Variants in TRPC5 observed in about 807,000 individuals in gnomAD.
TRPC5 encodes the protein short transient receptor potential channel 5.
A neutral mutation model predicts 56.5 loss-of-function variants in TRPC5; 9 were observed. The ratio of observed to expected loss-of-function variants is 0.16; its 90% confidence interval spans 0.10 to 0.28. The LOEUF is 0.28. Ranked by LOEUF, TRPC5 falls within the 10% of genes least tolerant of loss-of-function variation. The pLI, the probability that TRPC5 is intolerant of heterozygous loss-of-function variation, is 1.00. For synonymous variants in TRPC5, 282 were observed against 278.5 expected (o/e 1.01, Z -0.13); for missense variants, 469 against 748.9 (o/e 0.63, Z 4.36).
At chrX:111,856,645 G>A (rs1020149494) in intron 3 of TRPC5, among the ~76,000 whole-genome samples, 5 of 107,049 alleles carry the variant, frequency 4.7e-5, no homozygotes, top group South Asian at 4.2e-4. Context: ...ATGAAATCCC[G>A]TTTCTACTAA....
intron 3 of TRPC5, among the ~76,000 whole-genome samples, chrX:111,862,394 G>C (rs1300214267): frequency 8.9e-6 from 1 of 111,891 alleles, no homozygotes; most frequent in African/African-American, 3.2e-5. Flanking sequence ...TAAAGGCAAA[G>C]TAATAATACT....
chrX:111,898,573 T>C (rs985678230), intron 3 of TRPC5, among the ~76,000 whole-genome samples: 5 of 110,267 alleles, frequency 4.5e-5, no homozygotes, highest in African/African-American at 1.6e-4. Context: ...GATTATATAC[T>C]ATGCTGGCAA....
At chrX:111,992,794 G>C (rs1928395987) in intron 1 of TRPC5, among the ~76,000 whole-genome samples, 1 of 109,139 alleles carries the variant, frequency 9.2e-6, no homozygotes, top group Non-Finnish European at 1.9e-5. Flanking sequence ...GTAGAGACAG[G>C]GTTTCACTGT....
At chrX:112,010,217 T>C (rs1277867296) in intron 1 of TRPC5, among the ~76,000 whole-genome samples, 1 of 112,053 alleles carries the variant, frequency 8.9e-6, no homozygotes, top group Admixed American at 9.5e-5. Context: ...CACAGATTCA[T>C]CTGTGAAGGG....
chrX:111,922,534 G>A (rs1312988372), intron 2 of TRPC5, among the ~76,000 whole-genome samples: 5 of 112,360 alleles, frequency 4.4e-5, no homozygotes, highest in Admixed American at 9.4e-5. Context: ...AAAAACACCA[G>A]CATCTAATCA....
At chrX:111,788,745 T>C (rs757968541) in intron 7 of TRPC5, among the ~76,000 whole-genome samples, 1 of 110,962 alleles carries the variant, frequency 9.0e-6, no homozygotes, top group Non-Finnish European at 1.9e-5. Context: ...TGTGCAAAAA[T>C]CACAAGCATT....
chrX:111,907,702 C>G (rs893552663), intron 3 of TRPC5, among the ~76,000 whole-genome samples: 2 of 110,540 alleles, frequency 1.8e-5, no homozygotes, highest in Admixed American at 9.7e-5. Flanking sequence ...TTATTTGCAT[C>G]GAAAGGAAAG....
intron 1 of TRPC5, among the ~76,000 whole-genome samples, chrX:111,968,946 G>A (rs1168998066): frequency 3.4e-4 from 35 of 102,934 alleles, no homozygotes; most frequent in Non-Finnish European, 1.8e-4. Context: ...TGCACATTGC[G>A]CACATGTACC....
rs1485134938 is a variant in TRPC5 at position 112,034,223 on chromosome X, A to G, written c.-22+47656T>C. On this transcript the variant is annotated intron_variant, in intron 1 of 10. Coordinates refer to ENST00000262839, the MANE Select transcript of TRPC5 (RefSeq NM_012471.3). ...GAATCTGTAGATCCTTTTAAGCAGT[A>G]TTGAAATCCTAACAATATTAAGTTT... 4.5e-5 allele frequency among the ~76,000 whole-genome samples: 5 copies of G among 111,209 alleles called. No individual in the cohort carries two copies. The South Asian group carries it at 1.1e-3, about 25-fold the overall frequency.
At chrX:111,957,059 C>G (rs577928381) in intron 1 of TRPC5, among the ~76,000 whole-genome samples, 5 of 112,256 alleles carry the variant, frequency 4.5e-5, no homozygotes, top group African/African-American at 1.6e-4. Context: ...TAACCATTCT[C>G]AGTTTCTTCA....
intron 1 of TRPC5, among the ~76,000 whole-genome samples, chrX:112,037,508 A>G (rs1471374421): frequency 1.8e-5 from 2 of 111,140 alleles, no homozygotes; most frequent in Non-Finnish European, 3.8e-5. Context: ...TGCCCTCTTG[A>G]CCTTATCTTT....
intron 1 of TRPC5, among the ~76,000 whole-genome samples, chrX:112,070,151 C>T (rs1358881665): frequency 8.9e-6 from 1 of 111,949 alleles, no homozygotes; most frequent in Admixed American, 9.4e-5. Context: ...ACCAGGGTCC[C>T]AGAGGCAGTG....
intron 1 of TRPC5, among the ~76,000 whole-genome samples, chrX:112,019,203 C>T (rs1284230902): frequency 8.9e-6 from 1 of 111,928 alleles, no homozygotes; most frequent in Non-Finnish European, 1.9e-5. Flanking sequence ...TATTGGCAGG[C>T]CATCTTAGAA....
chrX:111,814,448 A>G (rs1048796262), intron 7 of TRPC5, among the ~76,000 whole-genome samples: 3 of 111,268 alleles, frequency 2.7e-5, no homozygotes, highest in Non-Finnish European at 5.7e-5. Context: ...GAGCCCTCAC[A>G]GCAACTTCAA....
chrX:111,939,778 C>A (rs1332755884), intron 2 of TRPC5, among the ~76,000 whole-genome samples: 2 of 110,839 alleles, frequency 1.8e-5, no homozygotes, highest in Non-Finnish European at 3.8e-5. Context: ...TTTATTTGCG[C>A]CTTCTCTCTT....
intron 7 of TRPC5, among the ~76,000 whole-genome samples, chrX:111,791,640 T>C (rs939623347): frequency 3.6e-5 from 4 of 112,074 alleles, no homozygotes; most frequent in African/African-American, 9.8e-5. Flanking sequence ...ATTCCACATA[T>C]CACTGCAGCA....
At chrX:111,804,105 G>A (rs911729320) in intron 7 of TRPC5, among the ~76,000 whole-genome samples, 4 of 112,059 alleles carry the variant, frequency 3.6e-5, no homozygotes, top group African/African-American at 9.8e-5. Flanking sequence ...TATTAAATAG[G>A]GAATCCTTTC....
chrX:112,048,890 G>A (rs898837067), intron 1 of TRPC5, among the ~76,000 whole-genome samples: 1 of 112,068 alleles, frequency 8.9e-6, no homozygotes, highest in Non-Finnish European at 1.9e-5. Context: ...GGAAGCAAGA[G>A]GGCAACCTCA....
chrX:111,954,684 C>G (rs192613996), intron 1 of TRPC5, among the ~76,000 whole-genome samples: 2 of 111,711 alleles, frequency 1.8e-5, no homozygotes, highest in Admixed American at 1.9e-4. Flanking sequence ...GAAGAAAAGG[C>G]TAGATGTCCT....
Sources: allele counts gnomAD v4.1 joint callset (sites outside exome capture counted in the v4.1 genomes callset), GRCh38; gene constraint gnomAD v4.1.1; transcripts MANE v1.5; gene names NCBI Gene and HGNC (gene_info 2026-07-23, HGNC 2026-07-21).